Variants in DYSF observed in about 807,000 individuals in gnomAD.
The protein encoded by DYSF is dysferlin.
In DYSF, 212 loss-of-function variants were observed where a neutral mutation model predicts 274.9. The observed-to-expected ratio is 0.77, with a 90% CI of 0.69 to 0.86. The LOEUF (loss-of-function observed/expected upper bound fraction) is 0.86, where lower values mean the gene tolerates loss of function less well. DYSF is among the 40% of genes least tolerant of loss of function. The pLI, the probability that DYSF is intolerant of heterozygous loss-of-function variation, is 0.00. For synonymous variants in DYSF, 1,091 were observed against 1,078.7 expected, an observed-to-expected ratio of 1.01 and a Z score of -0.22; for missense variants, 2,666 against 2,783.2, an observed-to-expected ratio of 0.96 and a Z score of 0.95.
intron 45 of DYSF, among the ~76,000 whole-genome samples, chr2:71,661,248 TACAGAG>T (rs2152944375): frequency 6.6e-6 from 1 of 152,152 alleles, no homozygotes; most frequent in East Asian, 1.9e-4. Flanking sequence ...ACTAAACAGT[TACAGAG>T]ACAGTGCATA....
chr2:71,674,341 C>T lies in DYSF; in HGVS notation c.5884+45C>T, dbSNP rs1178007904. 3.2e-6 allele frequency: 5 copies of T among 1,574,126 alleles called. No homozygotes were observed. The Admixed American group carries it at 8.3e-5, about 26-fold the overall frequency. On this transcript the variant is annotated intron_variant, in intron 52 of 55. Transcript: ENST00000410020. The stretch of plus-strand genomic sequence containing the variant: ...TCCCATTCTGCACATGGGGGCTGCC[C>T]CAGAACCCACACTGTGTGTTTATGC...
intron 40 of DYSF, among the ~76,000 whole-genome samples, chr2:71,614,708 C>T (rs1354749357): frequency 6.6e-6 from 1 of 152,136 alleles, no homozygotes; most frequent in Non-Finnish European, 1.5e-5. Context: ...ATGCTCAGCA[C>T]AAGGCCTCGC....
chr2:71,487,564 A>G (rs1458456387), intron 3 of DYSF, among the ~76,000 whole-genome samples: 2 of 152,188 alleles, frequency 1.3e-5, no homozygotes, highest in Admixed American at 1.3e-4. Context: ...GAAGGAATGC[A>G]GTGGCATGAT....
At chr2:71,549,473 G>A in intron 17 of DYSF, 4 of 1,421,722 alleles carry the variant, frequency 2.8e-6, no homozygotes, top group Non-Finnish European at 3.9e-6. Context: ...TGGAGGCATG[G>A]GGTTTTTGAT....
chr2:71,682,447 T>A lies in DYSF; in HGVS notation c.6174-83T>A, dbSNP rs3749027. ...GGGTGGACTGTGGAGGGCCAGGCCATTGGACCTGCTGTTGAGAGAAGAGTT... is the reference window on the plus strand; with the variant it reads ...GGGTGGACTGTGGAGGGCCAGGCCAATGGACCTGCTGTTGAGAGAAGAGTT... On this transcript the variant is annotated intron_variant, in intron 54 of 55. Coordinates refer to ENST00000410020, the MANE Select transcript of DYSF (RefSeq NM_001130987.2). 14,401 of 1,582,338 alleles carry A rather than the reference T, an allele frequency of 9.1e-3. 708 individuals carry two copies. The Admixed American group carries it at 0.11, about 12-fold the overall frequency.
At chr2:71,500,212 C>T (rs2084834566) in intron 3 of DYSF, among the ~76,000 whole-genome samples, 1 of 152,164 alleles carries the variant, frequency 6.6e-6, no homozygotes, top group South Asian at 2.1e-4. Context: ...ACCTCAGACC[C>T]CTCTAGCCTC....
rs375896378 is a variant in DYSF at position 71,563,082 on chromosome 2, C to G, written c.2410-976C>G. On this transcript the variant is annotated intron_variant, in intron 23 of 55. Coordinates refer to ENST00000410020, the MANE Select transcript of DYSF (RefSeq NM_001130987.2). ...GGCCCACCCCTCGAGTTCCTGCCCC[C>G]CTGGAACTGGGGCAAACCTGAAAAT... Among the ~76,000 whole-genome samples the G allele has an allele frequency of 7.9e-5, 12 of 152,320 alleles. No homozygotes were observed. The East Asian group carries it at 1.5e-3, about 20-fold the overall frequency.
At chr2:71,647,771 TG>T (rs2094589963) in intron 42 of DYSF, among the ~76,000 whole-genome samples, 1 of 152,222 alleles carries the variant, frequency 6.6e-6, no homozygotes, top group Admixed American at 6.5e-5. Flanking sequence ...AATGGTTACA[TG>T]GGGGTTTATT....
At chr2:71,584,613 G>T (rs2093003902) in intron 30 of DYSF, among the ~76,000 whole-genome samples, 1 of 152,230 alleles carries the variant, frequency 6.6e-6, no homozygotes, top group African/African-American at 2.4e-5. Flanking sequence ...TAGGGCGAGG[G>T]AATTCTGGTG....
chr2:71,655,248 CAA>C (rs1274989613), intron 42 of DYSF, among the ~76,000 whole-genome samples: 1 of 152,016 alleles, frequency 6.6e-6, no homozygotes, highest in African/African-American at 2.4e-5. Flanking sequence ...GAATTTAAGA[CAA>C]TATTAATTTT....
chr2:71,623,386 T>A (rs1378221354), intron 41 of DYSF, among the ~76,000 whole-genome samples: 1 of 141,146 alleles, frequency 7.1e-6, no homozygotes, highest in Non-Finnish European at 1.5e-5. Flanking sequence ...CCACGTGATC[T>A]CATTGTTCAA....
intron 43 of DYSF, among the ~76,000 whole-genome samples, chr2:71,657,580 C>T (rs532716694): frequency 4.7e-4 from 72 of 152,350 alleles, no homozygotes; most frequent in South Asian, 1.0e-3. Context: ...GCCTGGGCAT[C>T]CAGGTGTTTC....
intron 14 of DYSF, 44 bp downstream of exon 14, chr2:71,528,445 T>C (rs1165862197): frequency 1.3e-6 from 2 of 1,510,764 alleles, no homozygotes; most frequent in East Asian, 2.3e-5. Context: ...GAGGGGACTT[T>C]CTGGTGCCCT....
At chr2:71,545,498 T>G (rs976131635) in intron 17 of DYSF, among the ~76,000 whole-genome samples, 1 of 152,168 alleles carries the variant, frequency 6.6e-6, no homozygotes, top group Non-Finnish European at 1.5e-5. Flanking sequence ...CACTAATTGC[T>G]GTTCAGATAG....
chr2:71,684,150 A>G (rs1460801710), intron 55 of DYSF, among the ~76,000 whole-genome samples: 1 of 152,232 alleles, frequency 6.6e-6, no homozygotes, highest in Non-Finnish European at 1.5e-5. Flanking sequence ...ACTGTGGTCC[A>G]GGGTAGATCT....
rs995037703 is a variant in DYSF at position 71,589,823 on chromosome 2, C to CTG, written c.3496+143_3496+144dup. On this transcript the variant is annotated intron_variant, in intron 31 of 55. Coordinates refer to ENST00000410020, the MANE Select transcript of DYSF (RefSeq NM_001130987.2). ...CTCTGTGCTTTTTGGTGGGTCAGTG[C>CTG]TGTGTGTATGTGTGTGTGTGTGCGC... The CTG allele has an allele frequency of 3.4e-6, 3 of 872,994 alleles. No homozygotes were observed. In the African/African-American group the frequency reaches 4.9e-5, roughly 14 times the overall value. 54.1% of individuals were successfully genotyped at this position (872,994 alleles called of 1,614,324 possible).
chr2:71,615,207 G>C lies in DYSF; in HGVS notation c.4464+1797G>C, dbSNP rs1022035566. On this transcript the variant is annotated intron_variant, in intron 40 of 55. Coordinates refer to ENST00000410020, the MANE Select transcript of DYSF (RefSeq NM_001130987.2). This position sits in a 1 kb window ranked among gnomAD's most constrained non-coding sequence, Gnocchi z 4.9. The stretch of plus-strand genomic sequence containing the variant: ...TCCCGGCGTTGACATGAGGGAACTG[G>C]GGCTGGGATCTGAGCCAGAGCTGGG... 6.6e-6 allele frequency among the ~76,000 whole-genome samples: 1 copy of C among 152,184 alleles called. No homozygotes were observed. The highest frequency in any genetic ancestry group is 1.5e-5 in the Non-Finnish European group (1 of 68,030).
chr2:71,652,826 A>G (rs1257438543), intron 42 of DYSF, among the ~76,000 whole-genome samples: 1 of 152,232 alleles, frequency 6.6e-6, no homozygotes, highest in East Asian at 1.9e-4. Flanking sequence ...ATCACAAACA[A>G]ACAAAAGGAG....
intron 55 of DYSF, among the ~76,000 whole-genome samples, chr2:71,683,980 G>A (rs752215293): frequency 1.3e-5 from 2 of 152,224 alleles, no homozygotes; most frequent in African/African-American, 4.8e-5. Flanking sequence ...TTGGATGTCC[G>A]GACCAGCTAC....
Sources: gnomAD v4.1 joint callset for allele counts (sites outside exome capture counted in the v4.1 genomes callset) on GRCh38, gnomAD v4.1.1 for gene constraint, Gnocchi (gnomAD v3.1) non-coding constraint, MANE v1.5 for transcripts, NCBI Gene and HGNC (gene_info 2026-07-23, HGNC 2026-07-21) for gene names.